The following CSMD1 variants were observed in gnomAD, a reference collection of about 807,000 sequenced individuals.
The protein encoded by CSMD1 is CUB and sushi domain-containing protein 1.
In CSMD1, 213 loss-of-function variants were observed where a neutral mutation model predicts 417.5. The ratio of observed to expected loss-of-function variants is 0.51; its 90% CI spans 0.46 to 0.57. CSMD1 has a LOEUF of 0.57. Among genes scored for constraint, CSMD1 ranks in the 20% least tolerant of loss-of-function variants. The probability of loss-of-function intolerance (pLI) is 0.00; values close to 1 mark genes in which losing one functional copy is unlikely to be tolerated. For synonymous variants in CSMD1, 2,862 were observed against 1,736.8 expected (o/e 1.65, Z -16.11); for missense variants, 6,923 against 4,529.7 (o/e 1.53, Z -15.17).
In CSMD1 at chr8:2,974,472, C is replaced by T. The variant is rs942714409; in HGVS notation, c.8719G>A (p.Gly2907Arg). The T allele has an allele frequency of 1.2e-5, 20 of 1,610,780 alleles. No individual in the cohort carries two copies. The highest frequency in any genetic ancestry group is 2.2e-5 in the East Asian group (1 of 44,728). The change falls in exon 56 of 70, where the codon GGG (glycine) becomes AGG (arginine). Residue 2907 changes from glycine to arginine, a missense_variant. Gly to Arg is a moderately radical substitution (Grantham distance 125). Coordinates refer to ENST00000635120, the MANE Select transcript of CSMD1 (RefSeq NM_033225.6). ...RVCQEDSHWS[G>R]ALPHCTGNNP... Reference sequence around the variant, plus strand: ...TCACCTGTGCAGTGGGGCAGTGCCCCGCTCCAGTGACTGTCTTCCTGGCAC... The same window carrying T: ...TCACCTGTGCAGTGGGGCAGTGCCCTGCTCCAGTGACTGTCTTCCTGGCAC...
At chr8:3,347,957 C>G (rs1487997959) in intron 22 of CSMD1, 35 bp downstream of exon 22, 1 of 1,480,228 alleles carries the variant, frequency 6.8e-7, no homozygotes. Flanking sequence ...GAGAAGAAAA[C>G]TTGGAGTCAT....
chr8:4,049,198 T>C (rs1798297511), intron 3 of CSMD1, among the ~76,000 whole-genome samples: 1 of 152,072 alleles, frequency 6.6e-6, no homozygotes, highest in Admixed American at 6.6e-5. Flanking sequence ...TGTTGCGTCT[T>C]TCTCTATCTA....
At chr8:3,454,113 T>G (rs1815944202) in intron 12 of CSMD1, among the ~76,000 whole-genome samples, 2 of 152,220 alleles carry the variant, frequency 1.3e-5, no homozygotes, top group African/African-American at 4.8e-5. Context: ...AAGTCTGTTT[T>G]ATCAGAGACT....
intron 1 of CSMD1, among the ~76,000 whole-genome samples, chr8:4,840,211 T>C (rs563884296): frequency 2.1e-4 from 2 of 9,658 alleles, no homozygotes; most frequent in African/African-American, 1.6e-4. Context: ...TCATGGTCTA[T>C]GAGTCTTTCC....
intron 1 of CSMD1, among the ~76,000 whole-genome samples, chr8:4,857,720 G>A (rs1801886444): frequency 6.6e-6 from 1 of 151,964 alleles, no homozygotes; most frequent in Non-Finnish European, 1.5e-5. Flanking sequence ...CCAGGAAGAA[G>A]TTGAATCTCT....
intron 1 of CSMD1, among the ~76,000 whole-genome samples, chr8:4,923,311 C>T (rs1461707637): frequency 1.3e-5 from 2 of 152,098 alleles, no homozygotes; most frequent in Non-Finnish European, 2.9e-5. Flanking sequence ...TGAGTTGATG[C>T]TTTCGTATTG....
chr8:4,844,207 G>A (rs1296540760), intron 1 of CSMD1, among the ~76,000 whole-genome samples: 1 of 152,120 alleles, frequency 6.6e-6, no homozygotes, highest in Non-Finnish European at 1.5e-5. Flanking sequence ...GTTAGTTGTA[G>A]GCACCTGGTA....
chr8:4,085,402 A>G (rs781417187), intron 3 of CSMD1, among the ~76,000 whole-genome samples: 10 of 152,208 alleles, frequency 6.6e-5, no homozygotes, highest in Non-Finnish European at 1.0e-4. Context: ...CAAAAAACTG[A>G]TATTTTACAT....
At chr8:3,153,177 G>A (rs1819307695) in intron 39 of CSMD1, among the ~76,000 whole-genome samples, 1 of 152,136 alleles carries the variant, frequency 6.6e-6, no homozygotes, top group African/African-American at 2.4e-5. Flanking sequence ...GTGACCTCTG[G>A]TTGTCCTCAC....
chr8:4,351,694 T>C (rs1801102459), intron 3 of CSMD1, among the ~76,000 whole-genome samples: 1 of 152,116 alleles, frequency 6.6e-6, no homozygotes, highest in Non-Finnish European at 1.5e-5. Flanking sequence ...ACTTGAATCC[T>C]TAGGAGGAAT....
At position 4,169,171 on chromosome 8, in the gene CSMD1, C is replaced by T. The variant is rs931085290; in HGVS notation, c.416-137072G>A. ...CTTAATGGTGTAAACACCGTCTCTA[C>T]GGTTTCAGAATGTTAACATAGTGTA... On this transcript the variant is annotated intron_variant, in intron 3 of 69. Coordinates refer to ENST00000635120, the MANE Select transcript of CSMD1 (RefSeq NM_033225.6). Among the ~76,000 whole-genome samples, 5 of 152,154 alleles carry T rather than the reference C, an allele frequency of 3.3e-5. No homozygotes were observed. The East Asian group carries it at 7.7e-4, about 23-fold the overall frequency.
intron 18 of CSMD1, among the ~76,000 whole-genome samples, chr8:3,381,691 TCATTA>T (rs1272917916): frequency 3.3e-5 from 5 of 152,188 alleles, no homozygotes; most frequent in Admixed American, 6.5e-5. Context: ...TATTTATTTT[TCATTA>T]CTAGAGTTCC....
chr8:4,064,436 G>T (rs1162380984), intron 3 of CSMD1, among the ~76,000 whole-genome samples: 1 of 152,168 alleles, frequency 6.6e-6, no homozygotes, highest in African/African-American at 2.4e-5. Flanking sequence ...TGCGGGCTTT[G>T]CCCAAGTTTT....
At chr8:4,260,934 G>T (rs911429806) in intron 3 of CSMD1, among the ~76,000 whole-genome samples, 4 of 152,038 alleles carry the variant, frequency 2.6e-5, no homozygotes, top group African/African-American at 9.7e-5. Context: ...GTATTTACCT[G>T]GTGTATTTTT....
chr8:3,693,449 T>C (rs906413099), intron 7 of CSMD1, among the ~76,000 whole-genome samples: 1 of 152,154 alleles, frequency 6.6e-6, no homozygotes, highest in Admixed American at 6.5e-5. Context: ...AGCTGGGTAT[T>C]GATACGAGGA....
chr8:3,422,713 C>A (rs1056488627), intron 12 of CSMD1, among the ~76,000 whole-genome samples: 1 of 152,222 alleles, frequency 6.6e-6, no homozygotes, highest in African/African-American at 2.4e-5. Context: ...TCGTCTTAGT[C>A]CCCTTGTGCT....
intron 7 of CSMD1, among the ~76,000 whole-genome samples, chr8:3,639,123 A>G (rs566456438): frequency 1.3e-5 from 2 of 152,324 alleles, no homozygotes; most frequent in Admixed American, 1.3e-4. Flanking sequence ...TTCTAGCAAA[A>G]GATTTTCGCA....
At chr8:3,535,109 G>A (rs960063309) in intron 10 of CSMD1, among the ~76,000 whole-genome samples, 5 of 145,368 alleles carry the variant, frequency 3.4e-5, no homozygotes, top group African/African-American at 5.5e-5. Context: ...AACATAGTCA[G>A]CTAATATTTT....
chr8:4,556,838 A>G (rs1023579195), intron 2 of CSMD1, among the ~76,000 whole-genome samples: 3 of 152,170 alleles, frequency 2.0e-5, no homozygotes, highest in Non-Finnish European at 4.4e-5. Context: ...AGCACTTAGG[A>G]TTTGGGATGT....
Sources: allele counts gnomAD v4.1 joint callset (sites outside exome capture counted in the v4.1 genomes callset), GRCh38; gene constraint gnomAD v4.1.1; transcripts MANE v1.5; gene names NCBI Gene and HGNC (gene_info 2026-07-23, HGNC 2026-07-21).